The following HSF2BP variants were observed in gnomAD, a reference collection of about 807,000 sequenced individuals.
The protein encoded by HSF2BP is heat shock transcription factor 2 binding protein.
Under a neutral mutation model 35.0 loss-of-function variants are expected in HSF2BP, and 35 were observed. The observed-to-expected ratio is 1.00, with a 90% confidence interval of 0.76 to 1.32. HSF2BP has a LOEUF of 1.32. HSF2BP is among the 40% of genes most tolerant of loss of function. The pLI, the probability that HSF2BP is intolerant of heterozygous loss-of-function variation, is 0.00. For missense variants in HSF2BP, 326 were observed against 321.7 expected (o/e 1.01, Z -0.10); for synonymous variants, 114 against 117.4 (o/e 0.97, Z 0.18).
In HSF2BP at chr21:43,650,457, G is replaced by A. The variant is rs775997135; in HGVS notation, c.188-6065C>T. Among the ~76,000 whole-genome samples the A allele has an allele frequency of 5.9e-5, 9 of 151,924 alleles. No homozygotes were observed. In the East Asian group the frequency reaches 7.8e-4, roughly 13 times the overall value. ...CCTGACCTCGTGATCCGCCCACTTC[G>A]GCCTCCCAAAGTGCTGGGATTACAG... On this transcript the variant is annotated intron_variant, in intron 3 of 8. Coordinates refer to ENST00000291560, the MANE Select transcript of HSF2BP (RefSeq NM_007031.2).
the HSF2BP span, among the ~76,000 whole-genome samples, chr21:43,507,167 T>C: frequency 7.1e-3 from 922 of 129,542 alleles, 142 homozygotes; most frequent in African/African-American, 0.024. Flanking sequence ...TAAAAGAAAT[T>C]AAAGAACGTG....
intron 2 of HSF2BP, 41 bp from the exon 3 acceptor site, chr21:43,656,778 G>A (rs2082875865): frequency 6.4e-7 from 1 of 1,561,916 alleles, no homozygotes. Flanking sequence ...CTCTTCACAT[G>A]AGAAAAAAAA....
intron 7 of HSF2BP, among the ~76,000 whole-genome samples, chr21:43,604,452 ACC>A (rs2082095578): frequency 2.2e-5 from 3 of 134,118 alleles, no homozygotes; most frequent in Non-Finnish European, 4.8e-5. Flanking sequence ...CCACGCACAC[ACC>A]ACACACACAA....
intron 8 of HSF2BP, among the ~76,000 whole-genome samples, chr21:43,585,065 C>T (rs912299137): frequency 2.6e-5 from 4 of 151,846 alleles, no homozygotes; most frequent in African/African-American, 7.3e-5. Flanking sequence ...CCAGCACTTT[C>T]GGAAGCCAAG....
intron 7 of HSF2BP, among the ~76,000 whole-genome samples, chr21:43,599,319 T>A (rs1264409647): frequency 6.6e-6 from 1 of 152,168 alleles, no homozygotes; most frequent in Non-Finnish European, 1.5e-5. Context: ...ACCAAAGACT[T>A]CTAGGTCACA....
At chr21:43,615,984 TGAG>T (rs948774879) in intron 6 of HSF2BP, among the ~76,000 whole-genome samples, 6 of 151,432 alleles carry the variant, frequency 4.0e-5, no homozygotes, top group African/African-American at 1.5e-4. Context: ...CTTTATATTT[TGAG>T]GAGGTTTGTT....
At chr21:43,650,515 T>G (rs756309329) in intron 3 of HSF2BP, among the ~76,000 whole-genome samples, 74 of 151,982 alleles carry the variant, frequency 4.9e-4, no homozygotes, top group Non-Finnish European at 6.8e-4. Flanking sequence ...CATAAAATTT[T>G]ATTTATAAAA....
intron 8 of HSF2BP, among the ~76,000 whole-genome samples, chr21:43,574,413 A>G (rs865883032): frequency 4.8e-4 from 73 of 151,458 alleles, no homozygotes; most frequent in African/African-American, 1.7e-3. Flanking sequence ...GCTGGAATGC[A>G]GTGGTGCGAT....
At chr21:43,656,789 C>A (rs769195983) in intron 2 of HSF2BP, 52 bp from the exon 3 acceptor site, 294 of 1,504,160 alleles carry the variant, frequency 2.0e-4, no homozygotes, top group Non-Finnish European at 2.6e-4. Context: ...AGAAAAAAAA[C>A]AACAGCTCAA....
intron 6 of HSF2BP, among the ~76,000 whole-genome samples, chr21:43,627,704 A>T (rs893460259): frequency 1.3e-5 from 2 of 152,218 alleles, no homozygotes; most frequent in Non-Finnish European, 2.9e-5. Context: ...TACAGCTGAA[A>T]AGAATTACAG....
At chr21:43,641,894 C>A (rs946869642) in intron 4 of HSF2BP, among the ~76,000 whole-genome samples, 2 of 136,566 alleles carry the variant, frequency 1.5e-5, no homozygotes, top group Admixed American at 8.0e-5. Context: ...CCAGCCTGGA[C>A]GACAGAGCAA....
At chr21:43,578,695 C>T (rs567714330) in intron 8 of HSF2BP, among the ~76,000 whole-genome samples, 2 of 152,326 alleles carry the variant, frequency 1.3e-5, no homozygotes, top group South Asian at 4.1e-4. Flanking sequence ...ATAAGAAAGC[C>T]TCTGAAGGGT....
At chr21:43,467,888 CCACACA>C in the HSF2BP span, among the ~76,000 whole-genome samples, 1 of 46,530 alleles carries the variant, frequency 2.1e-5, no homozygotes, top group Non-Finnish European at 4.9e-5. Flanking sequence ...ACCACACACA[CCACACA>C]CCACACACAC....
At chr21:43,633,487 T>C (rs776737746) in intron 4 of HSF2BP, 66 bp from the exon 5 acceptor site, 46 of 1,279,606 alleles carry the variant, frequency 3.6e-5, no homozygotes, top group Non-Finnish European at 4.5e-5. Context: ...TTATTACATT[T>C]CCTCTTTCAC....
intron 8 of HSF2BP, among the ~76,000 whole-genome samples, chr21:43,590,982 A>G (rs562901477): frequency 7.9e-5 from 12 of 152,362 alleles, no homozygotes; most frequent in African/African-American, 2.9e-4. Context: ...TTCACTTTAA[A>G]TATATGCAAC....
At position 43,656,653 on chromosome 21, in the gene HSF2BP, A is replaced by C; in HGVS notation, c.121T>G (p.Phe41Val). The C allele has an allele frequency of 6.2e-7, 1 of 1,614,034 alleles. No individual in the cohort carries two copies. The highest frequency in any genetic ancestry group is 1.1e-5 in the South Asian group (1 of 91,046). The change falls in exon 3 of 9, where the codon TTC (phenylalanine) becomes GTC (valine). Residue 41 changes from phenylalanine to valine, a missense_variant. Phe to Val is a conservative substitution (Grantham distance 50, BLOSUM62 -1). Transcript: ENST00000291560. ...TCCCCATTTAGTATTCTGGGTAAGA[A>C]GTCCCGTATTTGCATCACTTCAGTT... ...LTTEVMQIRD[F>V]LPRILNGEVL...
rs145938315 is a variant in HSF2BP, at chr21:43,656,685, C to T, written c.89G>A (p.Arg30Gln). 14 of 1,613,818 alleles carry T rather than the reference C, an allele frequency of 8.7e-6. No homozygotes were observed. The highest frequency in any genetic ancestry group is 8.3e-5 in the Admixed American group (5 of 59,994). The change falls in exon 3 of 9, where the codon CGG becomes CAG. Residue 30 changes from arginine (R) to glutamine (Q), a missense_variant. Physicochemically the swap from Arg to Gln is conservative, Grantham distance 43. Coordinates refer to ENST00000291560, the MANE Select transcript of HSF2BP (RefSeq NM_007031.2). ...FVKVRKKDLE[R>Q]LTTEVMQIRD... The stretch of plus-strand genomic sequence containing the variant: ...TATTTGCATCACTTCAGTTGTCAGC[C>T]GTTCCAGATCCTTCTTTCTGACTTT...
At chr21:43,636,563 A>G (rs1182252274) in intron 4 of HSF2BP, among the ~76,000 whole-genome samples, 3 of 152,204 alleles carry the variant, frequency 2.0e-5, no homozygotes, top group Non-Finnish European at 1.5e-5. Flanking sequence ...AGACAACCCA[A>G]TTAAAAATGG....
At chr21:43,612,811 A>T (rs1425369811) in intron 7 of HSF2BP, among the ~76,000 whole-genome samples, 1 of 152,148 alleles carries the variant, frequency 6.6e-6, no homozygotes, top group Non-Finnish European at 1.5e-5. Flanking sequence ...CTTTAAAAAA[A>T]TAATTAAAAA....
Sources: gnomAD v4.1 joint callset for allele counts (sites outside exome capture counted in the v4.1 genomes callset) on GRCh38, gnomAD v4.1.1 for gene constraint, MANE v1.5 for transcripts, NCBI Gene and HGNC (gene_info 2026-07-23, HGNC 2026-07-21) for gene names.